Variants in CAB39 observed in about 807,000 individuals in gnomAD.
CAB39 encodes the protein calcium binding protein 39, also known as calcium-binding protein 39.
In CAB39, 8 loss-of-function variants were observed where a neutral mutation model predicts 40.0. The observed-to-expected ratio is 0.20, with a 90% CI of 0.12 to 0.36. The LOEUF is 0.36. Ranked by LOEUF, CAB39 falls within the 10% of genes least tolerant of loss-of-function variation. The probability of loss-of-function intolerance (pLI) is 1.00; values close to 1 mark genes in which losing one functional copy is unlikely to be tolerated. For missense variants in CAB39, 270 were observed against 401.1 expected (o/e 0.67, Z 2.79); for synonymous variants, 156 against 141.6 (o/e 1.10, Z -0.72).
chr2:230,751,711 T>C (rs1449988875), intron 1 of CAB39, among the ~76,000 whole-genome samples: 1 of 152,152 alleles, frequency 6.6e-6, no homozygotes, highest in Non-Finnish European at 1.5e-5. Flanking sequence ...TTTGATGTCT[T>C]TGTTCTTTGT....
intron 7 of CAB39, among the ~76,000 whole-genome samples, chr2:230,816,309 C>G (rs933429922): frequency 4.6e-5 from 7 of 152,172 alleles, no homozygotes; most frequent in Non-Finnish European, 8.8e-5. Flanking sequence ...AAGTCATCTT[C>G]CTTCAGATTT....
chr2:230,747,077 G>A (rs1329628806), intron 1 of CAB39, among the ~76,000 whole-genome samples: 1 of 152,110 alleles, frequency 6.6e-6, no homozygotes, highest in Admixed American at 6.5e-5. Flanking sequence ...TAGAGGCCTG[G>A]AGTGGTAGCT....
At chr2:230,718,516 T>C (rs1161913701) in intron 1 of CAB39, among the ~76,000 whole-genome samples, 1 of 152,208 alleles carries the variant, frequency 6.6e-6, no homozygotes, top group Admixed American at 6.5e-5. Flanking sequence ...ACTGCCTAGA[T>C]TTTGAACCCT....
chr2:230,722,095 C>T (rs1694464604), intron 1 of CAB39, among the ~76,000 whole-genome samples: 2 of 150,394 alleles, frequency 1.3e-5, no homozygotes, highest in Admixed American at 1.3e-4. Flanking sequence ...ATATTTTTGA[C>T]CAGTGACCCA....
chr2:230,790,766 A>G (rs1695879755), intron 2 of CAB39, 106 bp from the exon 3 acceptor site: 1 of 925,246 alleles, frequency 1.1e-6, no homozygotes, highest in South Asian at 1.6e-5. Context: ...TCATAGGTCC[A>G]TGGGTCTGTA....
At chr2:230,744,015 G>A (rs930594968) in intron 1 of CAB39, among the ~76,000 whole-genome samples, 1 of 151,576 alleles carries the variant, frequency 6.6e-6, no homozygotes, top group East Asian at 1.9e-4. Context: ...TGCCTCCTGG[G>A]TTCAAGTGAT....
chr2:230,797,630 A>G (rs955877659), intron 4 of CAB39, among the ~76,000 whole-genome samples: 8 of 152,074 alleles, frequency 5.3e-5, no homozygotes, highest in Non-Finnish European at 8.8e-5. Flanking sequence ...AAAATGCCTA[A>G]CTAATTCAGG....
At chr2:230,762,028 C>T (rs1271108585) in intron 2 of CAB39, among the ~76,000 whole-genome samples, 1 of 152,042 alleles carries the variant, frequency 6.6e-6, no homozygotes, top group Non-Finnish European at 1.5e-5. Flanking sequence ...CTGTCCCAGA[C>T]TCCAGAGTAG....
Position 230,731,742 on chromosome 2 carries a change from T to C in CAB39, c.-44+18512T>C, listed in dbSNP as rs1291993450. On this transcript the variant is annotated intron_variant, in intron 1 of 8. Transcript: ENST00000258418. ...TTGAACTGGCCTTAGGCAATTCTCC[T>C]GCCTAGGCCTCCCAAAGTGCTGGGA... Among the ~76,000 whole-genome samples, 5 of 152,182 alleles carry C rather than the reference T, an allele frequency of 3.3e-5. No individual in the cohort carries two copies. In the South Asian group the frequency reaches 1.0e-3, roughly 31 times the overall value.
chr2:230,786,284 C>T (rs1306642762), intron 2 of CAB39, among the ~76,000 whole-genome samples: 1 of 145,400 alleles, frequency 6.9e-6, no homozygotes, highest in Non-Finnish European at 1.5e-5. Flanking sequence ...GGATCACAGG[C>T]GTGAGCCACC....
chr2:230,773,608 G>A (rs949308553), intron 2 of CAB39, among the ~76,000 whole-genome samples: 7 of 152,100 alleles, frequency 4.6e-5, no homozygotes, highest in African/African-American at 1.7e-4. Flanking sequence ...GAGTGACCAG[G>A]CTGACATAGA....
At chr2:230,804,251 A>G (rs1012823347) in intron 5 of CAB39, among the ~76,000 whole-genome samples, 1 of 152,242 alleles carries the variant, frequency 6.6e-6, no homozygotes, top group African/African-American at 2.4e-5. Context: ...AACTTAATTC[A>G]AGATGGATTA....
rs536437190 is a variant in CAB39, at chr2:230,797,609, A to G, written c.399-1120A>G. 5.3e-5 allele frequency among the ~76,000 whole-genome samples: 8 copies of G among 152,256 alleles called. No homozygotes were observed. The East Asian group carries it at 1.2e-3, about 22-fold the overall frequency. On this transcript the variant is annotated intron_variant, in intron 4 of 8. Coordinates refer to ENST00000258418, the MANE Select transcript of CAB39 (RefSeq NM_016289.4). ...GGTAGCCCTTTAACGGAAGTTGTCC[A>G]GAGGCAACAGAAAATGCCTAACTAA... is the stretch of plus-strand genomic sequence containing the variant.
chr2:230,750,553 C>G (rs1262591534), intron 1 of CAB39, among the ~76,000 whole-genome samples: 1 of 151,532 alleles, frequency 6.6e-6, no homozygotes, highest in Non-Finnish European at 1.5e-5. Flanking sequence ...TTAATGGAAC[C>G]TAAGTTACCA....
chr2:230,759,524 G>A (rs1012934673), intron 1 of CAB39, among the ~76,000 whole-genome samples: 2 of 152,182 alleles, frequency 1.3e-5, no homozygotes, highest in Non-Finnish European at 2.9e-5. Context: ...AGTACCTTGA[G>A]CCTCACGCTC....
At chr2:230,801,839 AC>A (rs1405187535) in intron 5 of CAB39, among the ~76,000 whole-genome samples, 2 of 151,274 alleles carry the variant, frequency 1.3e-5, no homozygotes, top group African/African-American at 2.5e-5. Flanking sequence ...ACTGCACTCC[AC>A]CCTGGGCGAC....
chr2:230,739,011 G>A (rs1428377176), intron 1 of CAB39, among the ~76,000 whole-genome samples: 2 of 152,098 alleles, frequency 1.3e-5, no homozygotes, highest in Non-Finnish European at 2.9e-5. Context: ...TTTTATGGAA[G>A]GCCTTTTCCC....
intron 1 of CAB39, among the ~76,000 whole-genome samples, chr2:230,718,829 G>T (rs2124849209): frequency 6.6e-6 from 1 of 152,304 alleles, no homozygotes; most frequent in Middle Eastern, 3.4e-3. Flanking sequence ...GCAGTAACAG[G>T]TGTAGCTTTC....
chr2:230,729,743 GA>G (rs74770314), intron 1 of CAB39, among the ~76,000 whole-genome samples: 3,652 of 126,066 alleles, frequency 0.029, 49 homozygotes, highest in Non-Finnish European at 0.033. Flanking sequence ...CTGTCTTAAG[GA>G]AAAAAAAAAA....
Sources: allele counts gnomAD v4.1 joint callset (sites outside exome capture counted in the v4.1 genomes callset), GRCh38; gene constraint gnomAD v4.1.1; transcripts MANE v1.5; gene names NCBI Gene and HGNC (gene_info 2026-07-23, HGNC 2026-07-21).